The following KIT variants were observed in gnomAD, a reference collection of about 807,000 sequenced individuals.
The protein encoded by KIT is KIT proto-oncogene, receptor tyrosine kinase.
In KIT, 16 loss-of-function variants were observed where a neutral mutation model predicts 105.7. The ratio of observed to expected loss-of-function variants is 0.15; its 90% CI spans 0.10 to 0.23. KIT has a LOEUF of 0.23. Among genes scored for constraint, KIT ranks in the 10% least tolerant of loss-of-function variants. The pLI, the probability that KIT is intolerant of heterozygous loss-of-function variation, is 1.00. For synonymous variants in KIT, 438 were observed against 441.1 expected, an observed-to-expected ratio of 0.99 and a Z score of 0.09; for missense variants, 858 against 1,213.8, an observed-to-expected ratio of 0.71 and a Z score of 4.36.
At chr4:54,723,127 T>C (rs1055796074) in intron 7 of KIT, among the ~76,000 whole-genome samples, 4 of 152,106 alleles carry the variant, frequency 2.6e-5, no homozygotes, top group African/African-American at 9.7e-5. Context: ...GAGTGGGGCT[T>C]ATCTTTTCCT....
chr4:54,662,112 A>G (rs911891397), intron 1 of KIT, among the ~76,000 whole-genome samples: 34 of 152,078 alleles, frequency 2.2e-4, no homozygotes, highest in African/African-American at 7.5e-4. Flanking sequence ...GCCCCTGTAG[A>G]TGAGGCCTGT....
rs2109693267 is a variant in KIT at position 54,703,786 on chromosome 4, A to G, written c.819A>G (p.Ala273=). The G allele has an allele frequency of 6.2e-7, 1 of 1,613,588 alleles. No individual in the cohort carries two copies. Among genetic ancestry groups the G allele is most frequent in the Non-Finnish European group, 8.5e-7 (1 of 1,179,478 alleles). The change falls in exon 5 of 21, where the codon GCA becomes GCG. Residue 273 remains alanine (A), a synonymous_variant. Coordinates refer to ENST00000288135, the MANE Select transcript of KIT (RefSeq NM_000222.3). ...HHGDFNYERQ[A]TLTISSARVN... is the part of the protein sequence containing the mutation. ...GTGACTTCAATTATGAACGTCAGGC[A>G]ACGTTGACTATCAGTTCAGCGAGAG...
At chr4:54,686,163 GTGTCAATTAGT>G (rs1037942590) in intron 1 of KIT, among the ~76,000 whole-genome samples, 5 of 151,810 alleles carry the variant, frequency 3.3e-5, no homozygotes, top group African/African-American at 1.2e-4. Flanking sequence ...TGATTCCCCT[GTGTCAATTAGT>G]TCATCATCTT....
At chr4:54,673,870 A>G (rs949372253) in intron 1 of KIT, among the ~76,000 whole-genome samples, 3 of 152,058 alleles carry the variant, frequency 2.0e-5, no homozygotes, top group Admixed American at 6.5e-5. Flanking sequence ...CCCTAGTTCA[A>G]GTGATTCTCG....
intron 7 of KIT, among the ~76,000 whole-genome samples, chr4:54,715,663 T>A (rs1038183400): frequency 2.6e-5 from 4 of 152,058 alleles, no homozygotes; most frequent in Non-Finnish European, 4.4e-5. Context: ...GAAAGATCTG[T>A]CCCCATGACC....
At chr4:54,708,076 T>A (rs918515284) in intron 6 of KIT, among the ~76,000 whole-genome samples, 1 of 151,998 alleles carries the variant, frequency 6.6e-6, no homozygotes, top group South Asian at 2.1e-4. Context: ...GAGGATAAAT[T>A]TGGGAGGTCT....
chr4:54,709,692 A>T (rs184396713), intron 7 of KIT, 153 bp downstream of exon 7: 30 of 694,286 alleles, frequency 4.3e-5, no homozygotes, highest in Non-Finnish European at 7.6e-5. Flanking sequence ...TGGTGGTTAG[A>T]GTGTGTCAAA....
chr4:54,697,578 C>A (rs1227258483), intron 2 of KIT, among the ~76,000 whole-genome samples: 1 of 152,154 alleles, frequency 6.6e-6, no homozygotes, highest in Non-Finnish European at 1.5e-5. Context: ...TCCTGGTGGG[C>A]TATGGTATTT....
intron 7 of KIT, among the ~76,000 whole-genome samples, chr4:54,711,929 A>G (rs975732086): frequency 2.1e-4 from 29 of 137,016 alleles, no homozygotes; most frequent in Admixed American, 3.6e-4. Context: ...AGTCCGTCTC[A>G]AAAAAAAAAA....
chr4:54,710,294 A>G (rs1438715960), intron 7 of KIT, among the ~76,000 whole-genome samples: 1 of 152,162 alleles, frequency 6.6e-6, no homozygotes, highest in African/African-American at 2.4e-5. Context: ...CTCCCACACC[A>G]TACCTGCTAG....
At chr4:54,701,388 A>G (rs1455632720) in intron 4 of KIT, among the ~76,000 whole-genome samples, 3 of 151,262 alleles carry the variant, frequency 2.0e-5, no homozygotes, top group Non-Finnish European at 4.4e-5. Flanking sequence ...TAAAAAATCC[A>G]TAATATTTTA....
At chr4:54,681,656 C>T (rs1227448107) in intron 1 of KIT, among the ~76,000 whole-genome samples, 1 of 152,124 alleles carries the variant, frequency 6.6e-6, no homozygotes, top group Non-Finnish European at 1.5e-5. Context: ...ATGATACTTG[C>T]ATCTTCATAG....
At chr4:54,691,816 C>A (rs1197271299) in intron 1 of KIT, among the ~76,000 whole-genome samples, 1 of 151,772 alleles carries the variant, frequency 6.6e-6, no homozygotes, top group Non-Finnish European at 1.5e-5. Context: ...TGGCTGGTCT[C>A]AAGTGGAACA....
chr4:54,671,637 A>G (rs1295720168), intron 1 of KIT, among the ~76,000 whole-genome samples: 1 of 152,228 alleles, frequency 6.6e-6, no homozygotes, highest in African/African-American at 2.4e-5. Context: ...AGTAAACCCT[A>G]TTTAAATTTA....
At chr4:54,708,024 A>T (rs1208731974) in intron 6 of KIT, among the ~76,000 whole-genome samples, 1 of 152,070 alleles carries the variant, frequency 6.6e-6, no homozygotes, top group Non-Finnish European at 1.5e-5. Flanking sequence ...TACGGGTGAG[A>T]GATGATAGCG....
chr4:54,704,773 C>T (rs1720678484), intron 5 of KIT, among the ~76,000 whole-genome samples: 1 of 152,014 alleles, frequency 6.6e-6, no homozygotes, highest in South Asian at 2.1e-4. Context: ...TCATTAAATA[C>T]TTCTAAGGTG....
rs148278568 is a variant in KIT, at chr4:54,667,896, C to CA, written c.67+9817dup. 6.8e-4 allele frequency among the ~76,000 whole-genome samples: 104 copies of CA among 152,190 alleles called. 1 individual carries two copies. In the East Asian group the frequency reaches 0.015, roughly 22 times the overall value. On this transcript the variant is annotated intron_variant, in intron 1 of 20. Transcript: ENST00000288135. ...ATGTATTTTGAGTTGTTTTTAAGTC[C>CA]AAGGCTAATTCTGCTCCCTTCTCCC... is the stretch of plus-strand genomic sequence containing the variant.
At position 54,707,201 on chromosome 4, in the gene KIT, T is replaced by C; in HGVS notation, c.1029T>C (p.Pro343=). The change falls in exon 6 of 21, where the codon CCT becomes CCC. Residue 343 remains proline, a synonymous_variant. Transcript: ENST00000288135. ...LIVEYEAFPK[P]EHQQWIYMNR... Reference sequence around the variant, plus strand: ...TTGAATATGAAGCATTCCCCAAACCTGAACACCAGCAGTGGATCTATATGA... The same window carrying C: ...TTGAATATGAAGCATTCCCCAAACCCGAACACCAGCAGTGGATCTATATGA... The C allele has an allele frequency of 6.2e-7, 1 of 1,609,356 alleles. No homozygotes were observed. The highest frequency in any genetic ancestry group is 8.5e-7 in the Non-Finnish European group (1 of 1,175,618).
In KIT at chr4:54,736,782, C is replaced by T. The variant is rs1060504658; in HGVS notation, c.2658C>T (p.Gly886=). 1.9e-6 allele frequency: 3 copies of T among 1,614,154 alleles called. No individual in the cohort carries two copies. The highest frequency in any genetic ancestry group is 2.5e-6 in the Non-Finnish European group (3 of 1,179,996). The change falls in exon 19 of 21, where the codon GGC becomes GGT. Residue 886 remains glycine, a synonymous_variant. Transcript: ENST00000288135. ...AGTTCTACAAGATGATCAAGGAAGG[C>T]TTCCGGATGCTCAGCCCTGAACACG... is the stretch of plus-strand genomic sequence containing the variant. ...DSKFYKMIKE[G]FRMLSPEHAP... is the part of the protein sequence containing the mutation.
Sources: gnomAD v4.1 joint callset for allele counts (sites outside exome capture counted in the v4.1 genomes callset) on GRCh38, gnomAD v4.1.1 for gene constraint, MANE v1.5 for transcripts, NCBI Gene and HGNC (gene_info 2026-07-23, HGNC 2026-07-21) for gene names.